UNC5C: variants seen among roughly 807,000 people sequenced by gnomAD.
The protein encoded by UNC5C is netrin receptor UNC5C.
A neutral mutation model predicts 99.8 loss-of-function variants in UNC5C; 47 were observed. The observed-to-expected ratio is 0.47, with a 90% CI of 0.37 to 0.60. UNC5C has a LOEUF of 0.60. Ranked by LOEUF, UNC5C falls within the 20% of genes least tolerant of loss-of-function variation. UNC5C has a pLI of 0.00. For missense variants in UNC5C, 1,062 were observed against 1,165.9 expected, an observed-to-expected ratio of 0.91 and a Z score of 1.30; for synonymous variants, 487 against 452.2, an observed-to-expected ratio of 1.08 and a Z score of -0.98.
At chr4:95,458,540 A>C (rs1377747056) in intron 1 of UNC5C, among the ~76,000 whole-genome samples, 1 of 152,098 alleles carries the variant, frequency 6.6e-6, no homozygotes, top group African/African-American at 2.4e-5. Flanking sequence ...GAACCACAAA[A>C]ATTGATAGCC....
At chr4:95,487,245 G>A (rs552667796) in intron 1 of UNC5C, among the ~76,000 whole-genome samples, 62 of 151,918 alleles carry the variant, frequency 4.1e-4, no homozygotes, top group African/African-American at 1.5e-3. Context: ...CTAGCACATT[G>A]CTTTGTAGCT....
At chr4:95,482,450 G>A (rs1371689943) in intron 1 of UNC5C, among the ~76,000 whole-genome samples, 1 of 149,936 alleles carries the variant, frequency 6.7e-6, no homozygotes, top group East Asian at 2.0e-4. Flanking sequence ...AGTCAGTGTG[G>A]CGATTCCTCA....
At chr4:95,239,180 G>A (rs924603484) in intron 7 of UNC5C, among the ~76,000 whole-genome samples, 6 of 152,206 alleles carry the variant, frequency 3.9e-5, no homozygotes, top group Non-Finnish European at 8.8e-5. Context: ...AGGAAACTTA[G>A]ATAGTGGCTT....
chr4:95,476,723 A>C lies in UNC5C; in HGVS notation c.124+72011T>G, dbSNP rs144016846. 4.9e-3 allele frequency among the ~76,000 whole-genome samples: 749 copies of C among 151,622 alleles called. 4 individuals are homozygous for C. The highest frequency in any genetic ancestry group is 0.017 in the African/African-American group (715 of 41,090). ...AAAATTTATAGTTGTTTAGTATTAAATAATACATATTATTGCAGTAAGAAT... is the reference window on the plus strand; with the variant it reads ...AAAATTTATAGTTGTTTAGTATTAACTAATACATATTATTGCAGTAAGAAT... On this transcript the variant is annotated intron_variant, in intron 1 of 15. Coordinates refer to ENST00000453304, the MANE Select transcript of UNC5C (RefSeq NM_003728.4).
chr4:95,488,987 T>G (rs1165713700), intron 1 of UNC5C, among the ~76,000 whole-genome samples: 1 of 151,194 alleles, frequency 6.6e-6, no homozygotes, highest in African/African-American at 2.4e-5. Flanking sequence ...TGTTAAATTG[T>G]GTTATGCACC....
chr4:95,179,906 A>G (rs1013346546), intron 14 of UNC5C, among the ~76,000 whole-genome samples: 2 of 152,052 alleles, frequency 1.3e-5, no homozygotes, highest in African/African-American at 2.4e-5. Context: ...ATTTTTGTTT[A>G]TATTTAGTTT....
At chr4:95,495,303 G>A (rs571055217) in intron 1 of UNC5C, among the ~76,000 whole-genome samples, 2 of 151,372 alleles carry the variant, frequency 1.3e-5, no homozygotes, top group Non-Finnish European at 3.0e-5. Context: ...TCAGTTTTAA[G>A]ACAAATTGTA....
intron 1 of UNC5C, among the ~76,000 whole-genome samples, chr4:95,358,638 A>C (rs1274337271): frequency 6.6e-6 from 1 of 152,176 alleles, no homozygotes; most frequent in African/African-American, 2.4e-5. Flanking sequence ...TTACTCTGGC[A>C]ATCCCTTCAG....
At chr4:95,335,985 G>C (rs1023916512) in intron 1 of UNC5C, among the ~76,000 whole-genome samples, 1 of 151,752 alleles carries the variant, frequency 6.6e-6, no homozygotes, top group Non-Finnish European at 1.5e-5. Flanking sequence ...CTTGAGAGCA[G>C]ACAAAAGCAA....
chr4:95,264,807 T>C (rs1188213801), intron 4 of UNC5C, among the ~76,000 whole-genome samples: 4 of 152,214 alleles, frequency 2.6e-5, no homozygotes, highest in Non-Finnish European at 5.9e-5. Context: ...CTCTTCTCTA[T>C]GGCAAACAGC....
At chr4:95,361,686 G>A (rs540729520) in intron 1 of UNC5C, among the ~76,000 whole-genome samples, 3 of 152,258 alleles carry the variant, frequency 2.0e-5, no homozygotes, top group African/African-American at 7.2e-5. Context: ...CAAGAGTGCA[G>A]AGAAATAAGA....
At chr4:95,480,662 G>A (rs548663483) in intron 1 of UNC5C, among the ~76,000 whole-genome samples, 13 of 152,084 alleles carry the variant, frequency 8.5e-5, no homozygotes, top group African/African-American at 2.9e-4. Context: ...TATCCACCAT[G>A]ATCAAGTGGG....
Position 95,242,512 on chromosome 4 carries a change from G to T in UNC5C, c.1025C>A (p.Ala342Glu), listed in dbSNP as rs777156310. Residue 342 changes from alanine to glutamate, a missense_variant, in exon 7 of 16, where the codon GCG becomes GAG. Coordinates refer to ENST00000453304, the MANE Select transcript of UNC5C (RefSeq NM_003728.4). ...CTTGCCTCCATTCTTGGGGGCTGGC[G>T]CCGTGCACTCCCTCCTGCGCCAGTG... is the stretch of plus-strand genomic sequence containing the variant. ...CTHWRRRECT[A>E]PAPKNGGKDC... 1 of 1,613,318 alleles carries T rather than the reference G, an allele frequency of 6.2e-7. No individual in the cohort carries two copies. Among genetic ancestry groups the T allele is most frequent in the Non-Finnish European group, 8.5e-7 (1 of 1,179,732 alleles).
chr4:95,206,491 C>G, intron 11 of UNC5C, 137 bp downstream of exon 11: 1 of 1,253,042 alleles, frequency 8.0e-7, no homozygotes, highest in Non-Finnish European at 1.1e-6. Context: ...GTCTGCCTGC[C>G]TGTTTCTCTC....
chr4:95,194,511 T>A (rs1030317237), intron 12 of UNC5C, among the ~76,000 whole-genome samples: 3 of 152,120 alleles, frequency 2.0e-5, no homozygotes, highest in African/African-American at 7.2e-5. Context: ...GAGAGGAGAA[T>A]CTGTACTGGG....
At chr4:95,341,086 T>C (rs940176446) in intron 1 of UNC5C, among the ~76,000 whole-genome samples, 3 of 152,072 alleles carry the variant, frequency 2.0e-5, no homozygotes, top group Admixed American at 2.0e-4. Context: ...AATTTGACAA[T>C]ATAAGTAAAA....
intron 1 of UNC5C, among the ~76,000 whole-genome samples, chr4:95,547,120 A>G (rs1275722815): frequency 6.6e-6 from 1 of 151,826 alleles, no homozygotes; most frequent in African/African-American, 2.4e-5. Context: ...TAGGAAATCC[A>G]CAAGCTATGA....
At chr4:95,367,156 C>T (rs969766069) in intron 1 of UNC5C, among the ~76,000 whole-genome samples, 1 of 150,984 alleles carries the variant, frequency 6.6e-6, no homozygotes, top group African/African-American at 2.4e-5. Context: ...TACGTCAGAC[C>T]TAGAATTTGA....
rs542757240 is a variant in UNC5C, at chr4:95,170,443, C to T, written c.2452-111G>A. 2.4e-5 allele frequency: 31 copies of T among 1,283,208 alleles called. 1 individual carries two copies. In the South Asian group the frequency reaches 3.9e-4, roughly 16 times the overall value. 79.5% of individuals were successfully genotyped at this position (1,283,208 alleles called of 1,614,324 possible). A position where few individuals can be genotyped will look rare whatever the true frequency, so the allele number is the denominator to read the frequency against. On this transcript the variant is annotated intron_variant, in intron 14 of 15. Transcript: ENST00000453304. ...TTGAGTGATAAGAAAAGAATGAATG[C>T]TGTTATTCTTCTTAGGAAGAATGGC...
Sources: gnomAD v4.1 joint callset for allele counts (sites outside exome capture counted in the v4.1 genomes callset) on GRCh38, gnomAD v4.1.1 for gene constraint, MANE v1.5 for transcripts, NCBI Gene and HGNC (gene_info 2026-07-23, HGNC 2026-07-21) for gene names.